Variants in MGAM2 observed in about 807,000 individuals in gnomAD.
The protein encoded by MGAM2 is probable maltase-glucoamylase 2.
MGAM2 carries 98 observed loss-of-function variants against 96.1 expected under a neutral mutation model. The ratio of observed to expected loss-of-function variants is 1.02; its 90% CI spans 0.87 to 1.21. The LOEUF is 1.21. Among genes scored for constraint, MGAM2 ranks in the 50% most tolerant of loss-of-function variants. MGAM2 has a pLI of 0.00. For missense variants in MGAM2, 2,055 were observed against 1,182.4 expected (o/e 1.74, Z -10.82); for synonymous variants, 749 against 414.8 (o/e 1.81, Z -9.79).
chr7:142,135,349 A>G (rs1305753586), intron 7 of MGAM2, among the ~76,000 whole-genome samples: 1 of 152,228 alleles, frequency 6.6e-6, no homozygotes, highest in Non-Finnish European at 1.5e-5. Flanking sequence ...TTGACTTTCT[A>G]TAGCTGACAT....
At chr7:142,138,693 C>A (rs904713156) in intron 10 of MGAM2, 26 bp downstream of exon 10, 5 of 680,934 alleles carry the variant, frequency 7.3e-6, no homozygotes, top group Non-Finnish European at 8.0e-6. Context: ...TTTTACCATG[C>A]AGTTGACACC....
In MGAM2 at chr7:142,207,586, C is replaced by T. The variant is rs568618293; in HGVS notation, c.5138-987C>T. On this transcript the variant is annotated intron_variant, in intron 45 of 47. Coordinates refer to ENST00000477922, the MANE Select transcript of MGAM2 (RefSeq NM_001293626.2). Reference sequence around the variant, plus strand: ...GACTACAGGCGCCCACCACCACGCCCGGCTAATTTTGTTTTAGTATTTTTA... The same window carrying T: ...GACTACAGGCGCCCACCACCACGCCTGGCTAATTTTGTTTTAGTATTTTTA... Among the ~76,000 whole-genome samples, 12 of 151,966 alleles carry T rather than the reference C, an allele frequency of 7.9e-5. No homozygotes were observed. In the East Asian group the frequency reaches 1.2e-3, roughly 15 times the overall value.
chr7:142,144,798 T>G (rs1795335963), intron 13 of MGAM2, 63 bp from the exon 14 acceptor site: 1 of 657,900 alleles, frequency 1.5e-6, no homozygotes, highest in Non-Finnish European at 2.8e-6. Context: ...TCAGTAAGCG[T>G]TTCTCAACAG....
intron 8 of MGAM2, 38 bp downstream of exon 8, chr7:142,136,678 C>T (rs992062881): frequency 3.5e-5 from 23 of 662,846 alleles, no homozygotes; most frequent in Middle Eastern, 2.4e-4. Flanking sequence ...GGTAGGAATA[C>T]GTTTTAGGAT....
chr7:142,200,086 A>G, intron 45 of MGAM2, 118 bp downstream of exon 45: 1 of 488,342 alleles, frequency 2.0e-6, no homozygotes, highest in East Asian at 3.1e-5. Context: ...ATAAGGCAAT[A>G]ACATTTGGAG....
Position 142,143,708 on chromosome 7 carries a change from G to A in MGAM2, c.1318-61G>A. On this transcript the variant is annotated intron_variant, in intron 12 of 47. Coordinates refer to ENST00000477922, the MANE Select transcript of MGAM2 (RefSeq NM_001293626.2). Reference sequence around the variant, plus strand: ...GAGGCTCCTAGTAGAAGAAATCACTGTCGGTCAAAATGAAAAACCTTCAAC... The same window carrying A: ...GAGGCTCCTAGTAGAAGAAATCACTATCGGTCAAAATGAAAAACCTTCAAC... 4.1e-6 allele frequency: 2 copies of A among 491,154 alleles called. 1 individual carries two copies. Among genetic ancestry groups the A allele is most frequent in the South Asian group, 8.0e-5 (2 of 25,072 alleles). The allele number at this position is 491,154 out of a possible 1,614,324, so 30.4% of individuals were successfully genotyped here. A position where few individuals can be genotyped will look rare whatever the true frequency, so the allele number is the denominator to read the frequency against.
chr7:142,211,870 A>T (rs1223820425), intron 46 of MGAM2, among the ~76,000 whole-genome samples: 3 of 152,166 alleles, frequency 2.0e-5, no homozygotes, highest in Admixed American at 6.5e-5. Context: ...AAGAAGAGCA[A>T]CCCCACGACA....
intron 15 of MGAM2, among the ~76,000 whole-genome samples, chr7:142,149,234 A>AAAT (rs766134165): frequency 1.4e-4 from 21 of 151,450 alleles, no homozygotes; most frequent in Middle Eastern, 3.4e-3. Context: ...CGTCTCAAAA[A>AAAT]AAAAATAAAA....
At chr7:142,126,881 T>C (rs998302241) in intron 3 of MGAM2, among the ~76,000 whole-genome samples, 1 of 152,224 alleles carries the variant, frequency 6.6e-6, no homozygotes, top group African/African-American at 2.4e-5. Flanking sequence ...GGAATTGACA[T>C]ATAAGCCATT....
Position 142,148,761 on chromosome 7 carries a change from C to A in MGAM2, c.1634+1188C>A, listed in dbSNP as rs1037066835. On this transcript the variant is annotated intron_variant, in intron 15 of 47. Coordinates refer to ENST00000477922, the MANE Select transcript of MGAM2 (RefSeq NM_001293626.2). The surrounding 1 kb of genome is among the most constrained non-coding windows in gnomAD (Gnocchi z 4.2). Reference sequence around the variant, plus strand: ...GAAAGAGCATCTTTGTCTTTCTCGGCTTCTTTCCCCCTGTTTTGGTGTTTC... The same window carrying A: ...GAAAGAGCATCTTTGTCTTTCTCGGATTCTTTCCCCCTGTTTTGGTGTTTC... Among the ~76,000 whole-genome samples, 9 of 152,172 alleles carry A rather than the reference C, an allele frequency of 5.9e-5. No homozygotes were observed. Among genetic ancestry groups the A allele is most frequent in the Non-Finnish European group, 1.2e-4 (8 of 68,024 alleles).
intron 17 of MGAM2, among the ~76,000 whole-genome samples, chr7:142,156,141 G>A (rs148354287): frequency 3.2e-4 from 48 of 149,696 alleles, no homozygotes; most frequent in African/African-American, 6.7e-4. Flanking sequence ...GCAAAATTCC[G>A]TCTCAAAACA....
At position 142,221,010 on chromosome 7, in the gene MGAM2, A is replaced by G. The variant is rs190548761; in HGVS notation, c.6499A>G (p.Thr2167Ala). ...NVANITATSH[T>A]STDDTVPNNT... ...TGCTAATATAACTGCTACCTCTCAT[A>G]CAAGTACTGATGATACTGTTCCTAA... The change falls in exon 48 of 48, where the codon ACA (threonine) becomes GCA (alanine). Residue 2167 changes from threonine (T) to alanine (A), a missense_variant. Thr to Ala is a moderately conservative substitution (Grantham distance 58). Coordinates refer to ENST00000477922, the MANE Select transcript of MGAM2 (RefSeq NM_001293626.2). 2.8e-6 allele frequency: 2 copies of G among 702,388 alleles called. No homozygotes were observed. The highest frequency in any genetic ancestry group is 5.2e-6 in the Non-Finnish European group (2 of 384,752). The allele number at this position is 702,388 out of a possible 1,614,324, so 43.5% of individuals were successfully genotyped here. A position where few individuals can be genotyped will look rare whatever the true frequency, so the allele number is the denominator to read the frequency against.
At chr7:142,146,142 G>GTTTTTTTTTTTTTTT (rs71166565) in intron 14 of MGAM2, among the ~76,000 whole-genome samples, 5 of 108,958 alleles carry the variant, frequency 4.6e-5, no homozygotes, top group East Asian at 2.9e-4. Context: ...AGTTTATCAT[G>GTTTTTTTTTTTTTTT]TTTTTTTTTT....
At chr7:142,117,942 T>G (rs1817471885) in intron 2 of MGAM2, among the ~76,000 whole-genome samples, 1 of 150,210 alleles carries the variant, frequency 6.7e-6, no homozygotes, top group South Asian at 2.1e-4. Context: ...TTTTTTTTTC[T>G]TCTGTTTTTT....
chr7:142,145,170 C>A (rs1384604782), intron 14 of MGAM2, among the ~76,000 whole-genome samples: 5 of 152,120 alleles, frequency 3.3e-5, no homozygotes, highest in Non-Finnish European at 7.4e-5. Flanking sequence ...GCCTGCCTAC[C>A]TCCCCTGGCT....
rs970653843 is a variant in MGAM2 at position 142,116,826 on chromosome 7, G to A, written c.1-48G>A. ...CAATGATTATGTATCCTCTTAGATT[G>A]GTGGGGCCTTGTGATTTGTTTTAAC... is the stretch of plus-strand genomic sequence containing the variant. On this transcript the variant is annotated intron_variant, in intron 1 of 47. Coordinates refer to ENST00000477922, the MANE Select transcript of MGAM2 (RefSeq NM_001293626.2). The A allele has an allele frequency of 7.1e-6, 5 of 702,402 alleles. No individual in the cohort carries two copies. In the African/African-American group the frequency reaches 8.7e-5, roughly 12 times the overall value. 43.5% of individuals were successfully genotyped at this position (702,402 alleles called of 1,614,324 possible).
At chr7:142,133,948 G>T in intron 6 of MGAM2, 33 bp from the exon 7 acceptor site, 1 of 666,454 alleles carries the variant, frequency 1.5e-6, no homozygotes, top group Admixed American at 2.2e-5. Context: ...AGTGTTTTTC[G>T]GTGATTCTTG....
At chr7:142,183,049 CTT>C (rs1282708450) in intron 32 of MGAM2, among the ~76,000 whole-genome samples, 3 of 152,158 alleles carry the variant, frequency 2.0e-5, no homozygotes, top group Non-Finnish European at 4.4e-5. Context: ...TTATATCTTA[CTT>C]TGAGTACTCA....
intron 20 of MGAM2, among the ~76,000 whole-genome samples, chr7:142,159,801 A>G (rs1795835622): frequency 1.3e-5 from 2 of 152,192 alleles, no homozygotes; most frequent in African/African-American, 4.8e-5. Flanking sequence ...CAATGAAATA[A>G]TTTGAATAAC....
Sources: allele counts gnomAD v4.1 joint callset (sites outside exome capture counted in the v4.1 genomes callset), GRCh38; gene constraint gnomAD v4.1.1; non-coding constraint Gnocchi (gnomAD v3.1); transcripts MANE v1.5; gene names NCBI Gene and HGNC (gene_info 2026-07-23, HGNC 2026-07-21).